The following MAP4 variants were observed in gnomAD, a reference collection of about 807,000 sequenced individuals.
MAP4 encodes microtubule-associated protein 4.
In MAP4, 76 loss-of-function variants were observed where a neutral mutation model predicts 170.2. That is an observed-to-expected ratio of 0.45 (90% confidence interval 0.37 to 0.54). The LOEUF is 0.54. Ranked by LOEUF, MAP4 falls within the 20% of genes least tolerant of loss-of-function variation. MAP4 has a pLI of 0.00. For missense variants in MAP4, 2,506 were observed against 2,748.0 expected (o/e 0.91, Z 1.97); for synonymous variants, 909 against 994.5 (o/e 0.91, Z 1.62).
chr3:48,000,128 T>C (rs1464546253), intron 1 of MAP4, among the ~76,000 whole-genome samples: 1 of 147,578 alleles, frequency 6.8e-6, no homozygotes, highest in Non-Finnish European at 1.5e-5. Flanking sequence ...GGTACGAGAA[T>C]CGCTTGAACC....
At chr3:47,988,418 C>A (rs893389326) in intron 2 of MAP4, among the ~76,000 whole-genome samples, 1 of 151,854 alleles carries the variant, frequency 6.6e-6, no homozygotes, top group Non-Finnish European at 1.5e-5. Context: ...AAAGAGCAGA[C>A]AATAAGGGCA....
At chr3:48,081,071 C>A (rs2100146426) in intron 1 of MAP4, among the ~76,000 whole-genome samples, 1 of 152,128 alleles carries the variant, frequency 6.6e-6, no homozygotes, top group African/African-American at 2.4e-5. Context: ...TTTCAGTGAG[C>A]CGAGATCATG....
At chr3:47,932,469 A>G (rs998724090) in intron 3 of MAP4, among the ~76,000 whole-genome samples, 3 of 152,192 alleles carry the variant, frequency 2.0e-5, no homozygotes, top group African/African-American at 7.2e-5. Context: ...TCATAAAGCA[A>G]CTTTATGTTT....
Position 47,943,626 on chromosome 3 carries a change from G to C in MAP4, c.293-15276C>G, listed in dbSNP as rs75625285. ...CTTTCCCCCACTCTCCCCAAAAAAG[G>C]CTTCAAACCCATCTCAATTAAAAAA... is the stretch of plus-strand genomic sequence containing the variant. On this transcript the variant is annotated intron_variant, in intron 3 of 20. Transcript: ENST00000683076. Among the ~76,000 whole-genome samples the C allele has an allele frequency of 5.5e-3, 831 of 151,576 alleles. 14 individuals are homozygous for C. The highest frequency in any genetic ancestry group is 0.027 in the Middle Eastern group (8 of 294).
In MAP4 at chr3:47,986,209, G is replaced by C. The variant is rs542034280; in HGVS notation, c.224-8276C>G. Among the ~76,000 whole-genome samples, 133 of 152,050 alleles carry C rather than the reference G, an allele frequency of 8.7e-4. 1 individual carries two copies. The highest frequency in any genetic ancestry group is 1.2e-4 in the Non-Finnish European group (8 of 67,972). On this transcript the variant is annotated intron_variant, in intron 2 of 20. Coordinates refer to ENST00000683076, the MANE Select transcript of MAP4 (RefSeq NM_001385682.1). ...ACCCAGGCTGGACTCAAACTCCTAGGCTTAAGCAATCCTCCTTCCTATTAA... is the reference window on the plus strand; with the variant it reads ...ACCCAGGCTGGACTCAAACTCCTAGCCTTAAGCAATCCTCCTTCCTATTAA...
chr3:47,892,312 T>C (rs2153076825), intron 10 of MAP4: 1 of 1,536,290 alleles, frequency 6.5e-7, no homozygotes, highest in Non-Finnish European at 8.7e-7. Flanking sequence ...CATCTTTTGG[T>C]TGCCCGTCCA....
chr3:47,890,152 C>T (rs1034574467), intron 10 of MAP4, among the ~76,000 whole-genome samples: 3 of 151,912 alleles, frequency 2.0e-5, no homozygotes, highest in Non-Finnish European at 4.4e-5. Flanking sequence ...GAATTATGGC[C>T]CTTTGTGCTC....
Position 47,852,698 on chromosome 3 carries a change from T to A in MAP4, c.*236A>T. On this transcript the variant is annotated 3_prime_UTR_variant, in exon 21 of 21. Coordinates refer to ENST00000683076, the MANE Select transcript of MAP4 (RefSeq NM_001385682.1). ...GCCCAGGCTGGGGAGTGAGAGGAGGTGTGGGGCAGGGCTGCTGCTGCCCCG... is the reference window on the plus strand; with the variant it reads ...GCCCAGGCTGGGGAGTGAGAGGAGGAGTGGGGCAGGGCTGCTGCTGCCCCG... 6.9e-7 allele frequency: 1 copy of A among 1,455,040 alleles called. No individual in the cohort carries two copies. Among genetic ancestry groups the A allele is most frequent in the Non-Finnish European group, 9.2e-7 (1 of 1,092,070 alleles). 90.1% of individuals were successfully genotyped at this position (1,455,040 alleles called of 1,614,324 possible). A position where few individuals can be genotyped will look rare whatever the true frequency, so the allele number is the denominator to read the frequency against.
At chr3:47,864,448 G>A (rs918851771) in intron 17 of MAP4, among the ~76,000 whole-genome samples, 5 of 152,032 alleles carry the variant, frequency 3.3e-5, no homozygotes, top group Admixed American at 6.6e-5. Flanking sequence ...AGGCCGAGGC[G>A]GGCGGATCAT....
intron 3 of MAP4, among the ~76,000 whole-genome samples, chr3:47,955,206 T>C (rs1408258749): frequency 6.6e-6 from 1 of 152,108 alleles, no homozygotes; most frequent in Non-Finnish European, 1.5e-5. Flanking sequence ...ATATAGCATC[T>C]TTACTGGAGC....
At chr3:48,086,694 G>A (rs940131026) in intron 1 of MAP4, among the ~76,000 whole-genome samples, 2 of 152,182 alleles carry the variant, frequency 1.3e-5, no homozygotes, top group African/African-American at 4.8e-5. Flanking sequence ...AATATCTAGT[G>A]CCTTTCCAAT....
At chr3:47,946,101 A>T (rs2100059692) in intron 3 of MAP4, among the ~76,000 whole-genome samples, 8 of 138,238 alleles carry the variant, frequency 5.8e-5, no homozygotes, top group Admixed American at 5.1e-4. Flanking sequence ...TGCTTGGCTA[A>T]TTTTTTTTTT....
chr3:47,920,489 C>T (rs545854362), intron 5 of MAP4, among the ~76,000 whole-genome samples: 3 of 151,974 alleles, frequency 2.0e-5, no homozygotes, highest in African/African-American at 4.8e-5. Flanking sequence ...GTGATCCATC[C>T]GCCTTGGCCT....
chr3:48,007,676 CTTT>C (rs35776561), intron 1 of MAP4, among the ~76,000 whole-genome samples: 23 of 140,338 alleles, frequency 1.6e-4, no homozygotes, highest in Non-Finnish European at 2.2e-4. Context: ...AACTACTCTC[CTTT>C]TTTTTTTTTT....
intron 3 of MAP4, among the ~76,000 whole-genome samples, chr3:47,953,165 A>G (rs2100065583): frequency 6.6e-6 from 1 of 152,102 alleles, no homozygotes; most frequent in Admixed American, 6.6e-5. Context: ...GTCAAATCTT[A>G]GGGTGAACTT....
intron 3 of MAP4, among the ~76,000 whole-genome samples, chr3:47,940,184 C>G (rs1011371327): frequency 5.9e-5 from 9 of 152,082 alleles, no homozygotes; most frequent in African/African-American, 1.9e-4. Flanking sequence ...TTCCCTTCCA[C>G]AGGGTGCAGC....
intron 10 of MAP4, among the ~76,000 whole-genome samples, chr3:47,887,455 C>T (rs955810163): frequency 3.3e-5 from 5 of 152,220 alleles, no homozygotes; most frequent in African/African-American, 9.6e-5. Flanking sequence ...GGGCAGGGCT[C>T]GGGACCTGCA....
chr3:47,945,032 A>G (rs967428511), intron 3 of MAP4, among the ~76,000 whole-genome samples: 4 of 151,466 alleles, frequency 2.6e-5, no homozygotes, highest in African/African-American at 9.7e-5. Flanking sequence ...CTAGGGTTAA[A>G]TGGAGGGAGT....
chr3:47,852,972 G>A, intron 20 of MAP4, 34 bp from the exon 21 acceptor site: 1 of 1,614,108 alleles, frequency 6.2e-7, no homozygotes, highest in Non-Finnish European at 8.5e-7. Context: ...AGGGAGAGGG[G>A]AACAGGGGAG....
Sources: allele counts gnomAD v4.1 joint callset (sites outside exome capture counted in the v4.1 genomes callset), GRCh38; gene constraint gnomAD v4.1.1; transcripts MANE v1.5; gene names NCBI Gene and HGNC (gene_info 2026-07-23, HGNC 2026-07-21).